The following GSK3B variants were observed in gnomAD, a reference collection of about 807,000 sequenced individuals.
GSK3B encodes glycogen synthase kinase-3 beta.
Under a neutral mutation model 56.4 loss-of-function variants are expected in GSK3B, and 15 were observed. The ratio of observed to expected loss-of-function variants is 0.27; its 90% CI spans 0.18 to 0.41. GSK3B has a LOEUF of 0.41. GSK3B is among the 10% of genes least tolerant of loss of function. GSK3B has a pLI of 1.00. For synonymous variants in GSK3B, 181 were observed against 188.9 expected (o/e 0.96, Z 0.34); for missense variants, 300 against 513.4 (o/e 0.58, Z 4.02).
At chr3:119,956,527 A>G (rs1436763942) in intron 2 of GSK3B, among the ~76,000 whole-genome samples, 1 of 152,172 alleles carries the variant, frequency 6.6e-6, no homozygotes, top group Non-Finnish European at 1.5e-5. Flanking sequence ...CCCTTTAAAC[A>G]TCGTGTTGGT....
chr3:119,879,075 TG>T (rs1378873759), intron 7 of GSK3B, among the ~76,000 whole-genome samples: 3 of 152,218 alleles, frequency 2.0e-5, no homozygotes, highest in Admixed American at 2.0e-4. Flanking sequence ...AGTAGGTGTA[TG>T]TATCTGTGGA....
chr3:119,916,154 G>T lies in GSK3B; in HGVS notation c.498C>A (p.Phe166Leu), dbSNP rs148468264. The change falls in exon 5 of 11, where the codon TTC (phenylalanine) becomes TTA (leucine). Residue 166 changes from phenylalanine (F) to leucine (L), a missense_variant. This residue lies in a region of GSK3B where 62 missense variants were observed against 84.0 expected (regional missense o/e 0.74). Coordinates refer to ENST00000264235, the MANE Select transcript of GSK3B (RefSeq NM_001146156.2). Reference sequence around the variant, plus strand: ...AGGAATGGATATAGGCTAAACTTCGGAACAGCTGATACATATACAACTGGA... The same window carrying T: ...AGGAATGGATATAGGCTAAACTTCGTAACAGCTGATACATATACAACTGGA... The part of the protein sequence containing the change: ...IYVKLYMYQL[F>L]RSLAYIHSFG... 3.1e-6 allele frequency: 5 copies of T among 1,603,612 alleles called. No individual in the cohort carries two copies. The African/African-American group carries it at 5.4e-5, about 17-fold the overall frequency.
intron 7 of GSK3B, among the ~76,000 whole-genome samples, chr3:119,890,813 CCTT>C (rs1205859743): frequency 6.7e-6 from 1 of 149,836 alleles, no homozygotes; most frequent in East Asian, 1.9e-4. Flanking sequence ...AGAAGTTTAA[CCTT>C]CTTAAATTGC....
chr3:119,877,336 A>C (rs557512132), intron 7 of GSK3B, among the ~76,000 whole-genome samples: 82 of 152,328 alleles, frequency 5.4e-4, no homozygotes, highest in Non-Finnish European at 1.0e-3. Context: ...CGAGTCCCTT[A>C]TATAAAATGG....
At chr3:120,030,829 T>C (rs1334863574) in intron 1 of GSK3B, among the ~76,000 whole-genome samples, 1 of 152,226 alleles carries the variant, frequency 6.6e-6, no homozygotes, top group East Asian at 1.9e-4. Flanking sequence ...CACACAATAA[T>C]GTCCTGAGCA....
intron 1 of GSK3B, among the ~76,000 whole-genome samples, chr3:120,045,552 G>A (rs746920605): frequency 6.6e-6 from 1 of 152,034 alleles, no homozygotes; most frequent in African/African-American, 2.4e-5. Context: ...TAAATTGTGC[G>A]GTTCAACCCC....
At chr3:119,851,901 C>T (rs748778804) in intron 9 of GSK3B, among the ~76,000 whole-genome samples, 1 of 152,122 alleles carries the variant, frequency 6.6e-6, no homozygotes, top group Non-Finnish European at 1.5e-5. Flanking sequence ...GGCAATAATT[C>T]AAATGCTAAG....
intron 2 of GSK3B, among the ~76,000 whole-genome samples, chr3:119,969,390 T>C (rs897147543): frequency 6.6e-6 from 1 of 152,086 alleles, no homozygotes; most frequent in Non-Finnish European, 1.5e-5. Flanking sequence ...TGTACATGGA[T>C]AAGAACACTC....
At chr3:119,868,566 A>G (rs1158211455) in intron 8 of GSK3B, among the ~76,000 whole-genome samples, 1 of 152,222 alleles carries the variant, frequency 6.6e-6, no homozygotes, top group East Asian at 1.9e-4. Context: ...TATGGTTAAC[A>G]TGGATCTCAC....
intron 1 of GSK3B, chr3:120,029,896 C>T (rs1247239479): frequency 1.8e-6 from 1 of 547,562 alleles, no homozygotes; most frequent in Non-Finnish European, 3.7e-6. Flanking sequence ...ACTGGTGTAT[C>T]TGGTCCATGA....
intron 8 of GSK3B, among the ~76,000 whole-genome samples, chr3:119,865,440 A>ATG: frequency 5.6e-5 from 1 of 17,972 alleles, no homozygotes; most frequent in East Asian, 1.6e-3. Flanking sequence ...TTTCCGATAT[A>ATG]TATATATATA....
intron 2 of GSK3B, 53 bp from the exon 3 acceptor site, chr3:119,947,404 A>G (rs563578008): frequency 9.3e-5 from 99 of 1,067,662 alleles, no homozygotes; most frequent in Non-Finnish European, 1.4e-4. Flanking sequence ...GCTATTCATC[A>G]TATTGAACAA....
chr3:119,881,941 C>T (rs1484817146), intron 7 of GSK3B, among the ~76,000 whole-genome samples: 1 of 152,182 alleles, frequency 6.6e-6, no homozygotes, highest in African/African-American at 2.4e-5. Flanking sequence ...CTGCCGCCAT[C>T]CATGTAATAT....
intron 3 of GSK3B, among the ~76,000 whole-genome samples, chr3:119,940,429 G>A (rs192746848): frequency 5.3e-5 from 8 of 151,720 alleles, no homozygotes; most frequent in Admixed American, 3.3e-4. Context: ...ACCTGCTCTC[G>A]AAAAAGTTAA....
intron 1 of GSK3B, among the ~76,000 whole-genome samples, chr3:120,045,674 C>A (rs1240625430): frequency 1.3e-5 from 2 of 152,216 alleles, no homozygotes; most frequent in Non-Finnish European, 2.9e-5. Flanking sequence ...ACACGCCCTT[C>A]TGCAAAAATA....
At chr3:119,875,201 A>T (rs899972256) in intron 8 of GSK3B, among the ~76,000 whole-genome samples, 6 of 152,064 alleles carry the variant, frequency 3.9e-5, no homozygotes, top group Non-Finnish European at 8.8e-5. Flanking sequence ...TAGGAAATAA[A>T]TAATTAGTAA....
intron 7 of GSK3B, among the ~76,000 whole-genome samples, chr3:119,883,998 C>G (rs1041845108): frequency 1.3e-5 from 2 of 152,122 alleles, no homozygotes; most frequent in African/African-American, 4.8e-5. Context: ...GCTAAAAGAA[C>G]TGCTTTGGTA....
intron 2 of GSK3B, among the ~76,000 whole-genome samples, chr3:119,947,799 T>A (rs9831646): frequency 0.018 from 2,711 of 146,968 alleles, 91 homozygotes; most frequent in African/African-American, 0.065. Context: ...AAAAAAAAAC[T>A]GAGCATCAAC....
At chr3:120,015,519 G>A (rs553576658) in intron 1 of GSK3B, among the ~76,000 whole-genome samples, 35 of 151,392 alleles carry the variant, frequency 2.3e-4, no homozygotes, top group African/African-American at 7.5e-4. Flanking sequence ...GCATGGTGGC[G>A]CACGCCTGTA....
Sources: allele counts gnomAD v4.1 joint callset (sites outside exome capture counted in the v4.1 genomes callset), GRCh38; gene constraint gnomAD v4.1.1; regional missense constraint gnomAD v4.1.1; transcripts MANE v1.5; gene names NCBI Gene and HGNC (gene_info 2026-07-23, HGNC 2026-07-21).